Variants in PLCD4 observed in about 807,000 individuals in gnomAD.
The protein encoded by PLCD4 is phospholipase C delta 4.
Under a neutral mutation model 90.2 loss-of-function variants are expected in PLCD4, and 63 were observed. The observed-to-expected ratio is 0.70, with a 90% CI of 0.57 to 0.86. The LOEUF (loss-of-function observed/expected upper bound fraction) is 0.86, where lower values mean the gene tolerates loss of function less well. Among genes scored for constraint, PLCD4 ranks in the 40% least tolerant of loss-of-function variants. The pLI, the probability that PLCD4 is intolerant of heterozygous loss-of-function variation, is 0.00. For missense variants in PLCD4, 830 were observed against 956.3 expected, an observed-to-expected ratio of 0.87 and a Z score of 1.74; for synonymous variants, 294 against 356.5, an observed-to-expected ratio of 0.82 and a Z score of 1.97.
At position 218,634,090 on chromosome 2, in the gene PLCD4, T is replaced by C. The variant is rs780899390; in HGVS notation, c.1607-15T>C. The C allele has an allele frequency of 5.6e-6, 9 of 1,597,596 alleles. No individual in the cohort carries two copies. The South Asian group carries it at 9.1e-5, about 16-fold the overall frequency. On this transcript the variant is annotated splice_polypyrimidine_tract_variant and intron_variant, in intron 11 of 15. Transcript: ENST00000450993. The surrounding 1 kb of genome is among the most constrained non-coding windows in gnomAD (Gnocchi z 4.0). ...TCCACCCCACTTCCATCTCCCTCTC[T>C]ATACCCTTTTACAGGCAATGAGTTT...
chr2:218,633,242 G>C (rs1388195991), intron 10 of PLCD4: 1 of 604,352 alleles, frequency 1.7e-6, no homozygotes, highest in East Asian at 2.7e-5. Flanking sequence ...GAGAGGGAGG[G>C]AGGATAATGC....
rs758604324 is a variant in PLCD4, at chr2:218,636,309, G to A, written c.2099G>A (p.Arg700His). The stretch of plus-strand genomic sequence containing the variant: ...CTGGTGCCTGAACTTGCCATGCTGC[G>A]TTTTGTGGTAATGGATTATGACTGG... ...RVLVPELAML[R>H]FVVMDYDWKS... Residue 700 changes from arginine to histidine, a missense_variant, in exon 15 of 16, where the codon CGT (arginine) becomes CAT (histidine). Transcript: ENST00000450993. The A allele has an allele frequency of 1.1e-5, 17 of 1,614,006 alleles. No individual in the cohort carries two copies. In the South Asian group the frequency reaches 1.1e-4, roughly 10 times the overall value.
intron 11 of PLCD4, 26 bp downstream of exon 11, chr2:218,633,787 G>A (rs1696534280): frequency 1.2e-6 from 2 of 1,612,492 alleles, no homozygotes. Flanking sequence ...GAGGGATGGG[G>A]AGGGAAGTGG....
intron 8 of PLCD4, 111 bp downstream of exon 8, chr2:218,629,774 G>C: frequency 5.9e-6 from 7 of 1,196,110 alleles, no homozygotes; most frequent in Non-Finnish European, 7.0e-6. Context: ...CATCAAAAGA[G>C]GATTTAACTG....
intron 6 of PLCD4, among the ~76,000 whole-genome samples, chr2:218,623,807 C>T (rs887461223): frequency 1.7e-4 from 26 of 152,182 alleles, no homozygotes; most frequent in Admixed American, 1.2e-3. Flanking sequence ...CTTAGCCTCC[C>T]GAGTAGCTGG....
intron 1 of PLCD4, among the ~76,000 whole-genome samples, chr2:218,608,640 A>G (rs1374867730): frequency 6.6e-6 from 1 of 152,200 alleles, no homozygotes; most frequent in East Asian, 1.9e-4. Flanking sequence ...ACCTGGAGCC[A>G]CAACTTCCAG....
intron 3 of PLCD4, among the ~76,000 whole-genome samples, chr2:218,618,086 C>T (rs1195390584): frequency 7.2e-6 from 1 of 139,190 alleles, no homozygotes; most frequent in Non-Finnish European, 1.6e-5. Context: ...GACTCCATGT[C>T]AAAAAACAAA....
At chr2:218,614,442 T>C (rs6743566) in intron 1 of PLCD4, among the ~76,000 whole-genome samples, 6,186 of 140,546 alleles carry the variant, frequency 0.044, 164 homozygotes, top group East Asian at 0.14. Flanking sequence ...TGAGCCACCG[T>C]GCCCAGCCTT....
rs773336049 is a variant in PLCD4, at chr2:218,635,887, G to A, written c.1988G>A (p.Arg663His). ...PLVKVQIFGV[R>H]LDTARQETNY... The stretch of plus-strand genomic sequence containing the variant: ...GTGAAAGTGCAGATCTTTGGCGTTC[G>A]TCTAGACACAGCACGGCAGGAGACC... The change falls in exon 14 of 16, where the codon CGT becomes CAT. Residue 663 changes from arginine to histidine, a missense_variant. Coordinates refer to ENST00000450993, the MANE Select transcript of PLCD4 (RefSeq NM_032726.4). 1.9e-5 allele frequency: 30 copies of A among 1,613,998 alleles called. No individual in the cohort carries two copies. Among genetic ancestry groups the A allele is most frequent in the Middle Eastern group, 1.6e-4 (1 of 6,062 alleles).
chr2:218,608,148 C>T (rs1237557050), intron 1 of PLCD4, 78 bp downstream of exon 1: 1 of 152,442 alleles, frequency 6.6e-6, no homozygotes, highest in Non-Finnish European at 1.5e-5. Flanking sequence ...CCTCTAGATG[C>T]TTATCCACCC....
chr2:218,617,370 A>C (rs1346593792), intron 3 of PLCD4, among the ~76,000 whole-genome samples: 5 of 151,074 alleles, frequency 3.3e-5, no homozygotes, highest in African/African-American at 1.2e-4. Context: ...TGAGATCAGG[A>C]GTTTGAGACC....
chr2:218,629,760 G>T, intron 8 of PLCD4, 97 bp downstream of exon 8: 1 of 1,353,408 alleles, frequency 7.4e-7, no homozygotes, highest in Non-Finnish European at 1.0e-6. Flanking sequence ...TACAGGGGAA[G>T]TTCCATCAAA....
chr2:218,633,145 G>T, intron 10 of PLCD4: 1 of 522,674 alleles, frequency 1.9e-6, no homozygotes, highest in Non-Finnish European at 3.4e-6. Flanking sequence ...TTCCAGGTGT[G>T]ACTTACATGA....
intron 6 of PLCD4, 53 bp from the exon 7 acceptor site, chr2:218,627,976 G>A: frequency 1.3e-6 from 2 of 1,495,834 alleles, no homozygotes; most frequent in Non-Finnish European, 1.8e-6. Flanking sequence ...TAGGTGTGCT[G>A]GGATGCTCCC....
At chr2:218,613,131 C>T (rs994720087) in intron 1 of PLCD4, among the ~76,000 whole-genome samples, 1 of 152,104 alleles carries the variant, frequency 6.6e-6, no homozygotes, top group African/African-American at 2.4e-5. Flanking sequence ...TGGCTCATGC[C>T]TGTAATCCCG....
Position 218,634,655 on chromosome 2 carries a change from A to G in PLCD4, c.1896+25A>G, listed in dbSNP as rs541157061. On this transcript the variant is annotated intron_variant, in intron 13 of 15. Coordinates refer to ENST00000450993, the MANE Select transcript of PLCD4 (RefSeq NM_032726.4). This position sits in a 1 kb window ranked among gnomAD's most constrained non-coding sequence, Gnocchi z 4.0. ...GGTACAGTGGAAATAAACTGTTGGG[A>G]AGAAACTGAGATAACTGGGATAGAA... 2 of 1,608,874 alleles carry G rather than the reference A, an allele frequency of 1.2e-6. No homozygotes were observed. The highest frequency in any genetic ancestry group is 4.5e-5 in the East Asian group (2 of 44,844).
At chr2:218,633,191 TG>T in intron 10 of PLCD4, 1 of 585,202 alleles carries the variant, frequency 1.7e-6, no homozygotes, top group Non-Finnish European at 3.0e-6. Flanking sequence ...TCTGGATTCA[TG>T]TACATTTTGA....
At chr2:218,617,167 T>C (rs1695654694) in intron 3 of PLCD4, among the ~76,000 whole-genome samples, 1 of 145,406 alleles carries the variant, frequency 6.9e-6, no homozygotes, top group African/African-American at 2.5e-5. Flanking sequence ...GGTTTCACTG[T>C]GTTGGCCAGG....
intron 3 of PLCD4, among the ~76,000 whole-genome samples, chr2:218,618,048 C>G (rs1000641342): frequency 2.0e-5 from 3 of 151,950 alleles, no homozygotes; most frequent in Non-Finnish European, 4.4e-5. Flanking sequence ...GATCGCGCCA[C>G]TGCACTCCAG....
Sources: gnomAD v4.1 joint callset for allele counts (sites outside exome capture counted in the v4.1 genomes callset) on GRCh38, gnomAD v4.1.1 for gene constraint, Gnocchi (gnomAD v3.1) non-coding constraint, MANE v1.5 for transcripts, NCBI Gene and HGNC (gene_info 2026-07-23, HGNC 2026-07-21) for gene names.